EIF3H: variants seen among roughly 807,000 people sequenced by gnomAD.
EIF3H encodes eukaryotic translation initiation factor 3 subunit H, also known as eIF-3-gamma.
EIF3H carries 26 observed loss-of-function variants against 44.2 expected under a neutral mutation model. The observed-to-expected ratio is 0.59, with a 90% confidence interval of 0.43 to 0.82. The LOEUF (loss-of-function observed/expected upper bound fraction) is 0.82, where lower values mean the gene tolerates loss of function less well. EIF3H is among the 40% of genes least tolerant of loss of function. The probability of loss-of-function intolerance (pLI) is 0.00; values close to 1 mark genes in which losing one functional copy is unlikely to be tolerated. For missense variants in EIF3H, 359 were observed against 432.8 expected (o/e 0.83, Z 1.51); for synonymous variants, 166 against 151.9 (o/e 1.09, Z -0.68).
intron 4 of EIF3H, 115 bp from the exon 5 acceptor site, chr8:116,656,120 A>G: frequency 1.1e-6 from 1 of 871,246 alleles, no homozygotes; most frequent in Non-Finnish European, 1.7e-6. Context: ...TTTCATTAGC[A>G]CTCTTAAAAA....
chr8:116,673,478 C>T (rs1451078112), intron 2 of EIF3H, among the ~76,000 whole-genome samples: 1 of 152,108 alleles, frequency 6.6e-6, no homozygotes, highest in Non-Finnish European at 1.5e-5. Flanking sequence ...GAAAAAACAT[C>T]TTACTAACTC....
intron 1 of EIF3H, chr8:116,737,378 G>A (rs1815059817): frequency 4.9e-6 from 2 of 406,994 alleles, no homozygotes; most frequent in Non-Finnish European, 9.5e-6. Flanking sequence ...TAATAGGGCT[G>A]GGCGCAGTGG....
intron 3 of EIF3H, chr8:116,658,255 G>C (rs1040106745): frequency 6.6e-6 from 1 of 152,218 alleles, no homozygotes; most frequent in African/African-American, 2.4e-5. Flanking sequence ...AAGTCTGCCA[G>C]ATATGGCAAA....
intron 2 of EIF3H, among the ~76,000 whole-genome samples, chr8:116,707,544 A>G (rs1288949172): frequency 7.9e-6 from 1 of 126,128 alleles, no homozygotes; most frequent in Non-Finnish European, 1.7e-5. Flanking sequence ...ATATTCAGTC[A>G]AATATCTCAT....
At chr8:116,750,407 T>C (rs113949937) in intron 1 of EIF3H, among the ~76,000 whole-genome samples, 4,020 of 147,860 alleles carry the variant, frequency 0.027, 192 homozygotes, top group African/African-American at 0.094. Flanking sequence ...GCATGACTTT[T>C]TTTTTTTTTT....
intron 2 of EIF3H, among the ~76,000 whole-genome samples, chr8:116,716,520 C>T (rs377130476): frequency 1.6e-4 from 24 of 152,018 alleles, no homozygotes; most frequent in African/African-American, 5.3e-4. Context: ...GAACAAATAT[C>T]GCACAAAAAA....
intron 2 of EIF3H, among the ~76,000 whole-genome samples, chr8:116,662,817 G>A (rs1389385187): frequency 6.6e-6 from 1 of 152,222 alleles, no homozygotes; most frequent in East Asian, 1.9e-4. Context: ...TTTGGCCTAT[G>A]GACAAGGGAA....
intron 1 of EIF3H, among the ~76,000 whole-genome samples, chr8:116,763,459 G>GTTATT (rs906805760): frequency 6.6e-6 from 1 of 152,086 alleles, no homozygotes; most frequent in African/African-American, 2.4e-5. Flanking sequence ...TAAAGTTTTT[G>GTTATT]TTATTTTATT....
intron 2 of EIF3H, among the ~76,000 whole-genome samples, chr8:116,678,194 T>G (rs947298736): frequency 1.7e-4 from 26 of 152,082 alleles, no homozygotes; most frequent in African/African-American, 2.4e-5. Flanking sequence ...GGGGTTTTGC[T>G]GTGTTGGCCG....
chr8:116,740,968 C>T (rs1043443005), intron 1 of EIF3H, among the ~76,000 whole-genome samples: 1 of 152,214 alleles, frequency 6.6e-6, no homozygotes, highest in African/African-American at 2.4e-5. Flanking sequence ...AACTACCTAG[C>T]ACACAATTAC....
chr8:116,646,672 C>G lies in EIF3H; in HGVS notation c.829-69G>C, dbSNP rs903484043. 13 of 1,581,078 alleles carry G rather than the reference C, an allele frequency of 8.2e-6. No individual in the cohort carries two copies. The African/African-American group carries it at 1.6e-4, about 20-fold the overall frequency. On this transcript the variant is annotated intron_variant, in intron 6 of 7. Transcript: ENST00000521861. ...GAGGAGGAAAAAAAGATGTCCTTCC[C>G]CTACACAACCAGCAGAACCCCACTG...
chr8:116,689,032 C>T (rs1440058927), intron 2 of EIF3H: 3 of 419,544 alleles, frequency 7.2e-6, no homozygotes, highest in Admixed American at 5.4e-5. Context: ...TCATAATAGG[C>T]AAATGTTCAG....
Position 116,739,177 on chromosome 8 carries a change from C to T in EIF3H, c.133-13005G>A, listed in dbSNP as rs138518849. On this transcript the variant is annotated intron_variant, in intron 1 of 7. Coordinates refer to ENST00000521861, the MANE Select transcript of EIF3H (RefSeq NM_003756.3). Reference sequence around the variant, plus strand: ...ACCACAAACAACAGCATGAGCGATCCGTGCCTTAAGGACATGTTCCTGCTT... The same window carrying T: ...ACCACAAACAACAGCATGAGCGATCTGTGCCTTAAGGACATGTTCCTGCTT... 1.4e-3 allele frequency among the ~76,000 whole-genome samples: 215 copies of T among 152,326 alleles called. 1 individual carries two copies. The highest frequency in any genetic ancestry group is 6.8e-3 in the Middle Eastern group (2 of 294).
intron 1 of EIF3H, among the ~76,000 whole-genome samples, chr8:116,751,052 A>C (rs909113390): frequency 6.6e-6 from 1 of 151,552 alleles, no homozygotes. Context: ...CTCTACTAAA[A>C]ATACAAAAAA....
intron 1 of EIF3H, among the ~76,000 whole-genome samples, chr8:116,755,136 ATTC>A (rs1815418036): frequency 6.6e-6 from 1 of 152,236 alleles, no homozygotes; most frequent in South Asian, 2.1e-4. Flanking sequence ...TCTCTTTGAT[ATTC>A]TTTTATGTTT....
chr8:116,692,128 TC>T (rs1340670707), intron 2 of EIF3H, among the ~76,000 whole-genome samples: 1 of 152,216 alleles, frequency 6.6e-6, no homozygotes, highest in African/African-American at 2.4e-5. Flanking sequence ...GGCACTACCT[TC>T]TTTTACTTAT....
At chr8:116,672,484 G>A (rs543827265) in intron 2 of EIF3H, among the ~76,000 whole-genome samples, 1 of 152,094 alleles carries the variant, frequency 6.6e-6, no homozygotes, top group Non-Finnish European at 1.5e-5. Flanking sequence ...GCCAGGCATG[G>A]TGGCTGTAGT....
chr8:116,751,217 AAAAATAAAAT>A (rs369075600), intron 1 of EIF3H, among the ~76,000 whole-genome samples: 80 of 147,212 alleles, frequency 5.4e-4, no homozygotes, highest in African/African-American at 1.7e-3. Context: ...GTCTCAAAAA[AAAAATAAAAT>A]AAAATAAAAT....
At chr8:116,762,344 G>A (rs1815525954) in intron 1 of EIF3H, among the ~76,000 whole-genome samples, 1 of 152,120 alleles carries the variant, frequency 6.6e-6, no homozygotes, top group South Asian at 2.1e-4. Flanking sequence ...GTCTATGTTT[G>A]GAAAGACACT....
Sources: gnomAD v4.1 joint callset for allele counts (sites outside exome capture counted in the v4.1 genomes callset) on GRCh38, gnomAD v4.1.1 for gene constraint, MANE v1.5 for transcripts, NCBI Gene and HGNC (gene_info 2026-07-23, HGNC 2026-07-21) for gene names.